Variants in MESP1 observed in about 807,000 individuals in gnomAD.
MESP1 encodes the protein mesoderm posterior protein 1.
A neutral mutation model predicts 15.2 loss-of-function variants in MESP1; 22 were observed. The ratio of observed to expected loss-of-function variants is 1.45; its 90% CI spans 1.04 to 2.07. The LOEUF is 2.07. Among genes scored for constraint, MESP1 ranks in the 30% most tolerant of loss-of-function variants. The pLI is 0.00. For missense variants in MESP1, 484 were observed against 411.9 expected (o/e 1.17, Z -1.51); for synonymous variants, 216 against 192.6 (o/e 1.12, Z -1.01).
At chr15:89,746,064 CCACACCTCCACACATA>C (rs1253923511), downstream of MESP1, among the ~76,000 whole-genome samples, 5 of 147,664 alleles carry the variant, frequency 3.4e-5, no homozygotes, top group Non-Finnish European at 6.0e-5. Context: ...CCTGACACCT[CCACACCTCCACACATA>C]CACACCTCCA....
chr15:89,745,751 G>A (rs372620005), downstream of MESP1, among the ~76,000 whole-genome samples: 2 of 151,824 alleles, frequency 1.3e-5, no homozygotes, highest in African/African-American at 4.8e-5. The surrounding 1 kb of genome is among the most constrained non-coding windows in gnomAD (Gnocchi z 4.8). Flanking sequence ...GCGAAAGAGC[G>A]AGACTCTGTG....
At chr15:89,735,384 A>G in the MESP1 span, 1 of 1,191,060 alleles carries the variant, frequency 8.4e-7, no homozygotes, top group South Asian at 1.3e-5. Context: ...CTCCTCACAT[A>G]TTTCTTGATT....
the MESP1 span, among the ~76,000 whole-genome samples, chr15:89,734,012 TGC>T: frequency 0.024 from 3,620 of 151,700 alleles, 159 homozygotes; most frequent in African/African-American, 0.084. Flanking sequence ...TGTGTGTGTG[TGC>T]GCGCGCGCAT....
In MESP1 at chr15:89,751,115, G is replaced by A; in HGVS notation, c.117C>T (p.Ser39=). The part of the protein sequence containing the change: ...DKDCGRSLVS[S]PDSWGSTPAD... ...CTGGGGTGCTGCCCCATGAGTCTGG[G>A]GACGAGACGAGGGAGCGGCCGCAGT... Residue 39 remains serine, a synonymous_variant, in exon 1 of 2, where the codon TCC becomes TCT. Coordinates refer to ENST00000300057, the MANE Select transcript of MESP1 (RefSeq NM_018670.4). 3.9e-6 allele frequency: 5 copies of A among 1,291,002 alleles called. No homozygotes were observed. Among genetic ancestry groups the A allele is most frequent in the Non-Finnish European group, 4.9e-6 (5 of 1,022,660 alleles). 80.0% of individuals were successfully genotyped at this position (1,291,002 alleles called of 1,614,324 possible).
At chr15:89,745,265 G>A (rs1014719918), downstream of MESP1, among the ~76,000 whole-genome samples, 2 of 152,164 alleles carry the variant, frequency 1.3e-5, no homozygotes, top group African/African-American at 4.8e-5. The surrounding 1 kb of genome is among the most constrained non-coding windows in gnomAD (Gnocchi z 4.8). Flanking sequence ...GCATTCACAA[G>A]GCGTCTTATG....
At chr15:89,740,646 C>T in the MESP1 span, among the ~76,000 whole-genome samples, 2 of 152,054 alleles carry the variant, frequency 1.3e-5, no homozygotes, top group East Asian at 3.9e-4. Context: ...GGATTACAGG[C>T]ATGCGCCACC....
chr15:89,733,315 C>T, the MESP1 span: 2 of 1,163,764 alleles, frequency 1.7e-6, no homozygotes, highest in Admixed American at 2.2e-5. Flanking sequence ...GACTACAGTC[C>T]ACCTTTTGTA....
the MESP1 span, among the ~76,000 whole-genome samples, chr15:89,741,353 G>A: frequency 5.3e-5 from 8 of 151,766 alleles, no homozygotes; most frequent in Non-Finnish European, 8.8e-5. Flanking sequence ...TCAGCCTTCC[G>A]AGCAACTGGG....
At chr15:89,748,116 T>G (rs113616368), downstream of MESP1, among the ~76,000 whole-genome samples, 2,491 of 152,350 alleles carry the variant, frequency 0.016, 83 homozygotes, top group African/African-American at 0.057. Flanking sequence ...GGCTAGCCAA[T>G]GAGCCCCACT....
chr15:89,750,981 C>A lies in MESP1; in HGVS notation c.251G>T (p.Arg84Met). ...TTTCTCCCGCTCACTGGCGCTCTGC[C>A]TCTGCCCGCTGCCCAGGCGGCTGCT... ...ARSSRLGSGQ[R>M]QSASEREKLR... Residue 84 changes from arginine to methionine, a missense_variant, in exon 1 of 2, where the codon AGG becomes ATG. By Grantham distance (91) the Arg-to-Met change is moderately conservative. Coordinates refer to ENST00000300057, the MANE Select transcript of MESP1 (RefSeq NM_018670.4). 1 of 1,413,850 alleles carries A rather than the reference C, an allele frequency of 7.1e-7. No individual in the cohort carries two copies. The highest frequency in any genetic ancestry group is 3.0e-5 in the East Asian group (1 of 32,876). 87.6% of individuals were successfully genotyped at this position (1,413,850 alleles called of 1,614,324 possible).
the MESP1 span, among the ~76,000 whole-genome samples, chr15:89,740,827 T>G: frequency 6.6e-6 from 1 of 152,050 alleles, no homozygotes; most frequent in Non-Finnish European, 1.5e-5. Context: ...GCTGCAAATG[T>G]ATAGATTACT....
the MESP1 span, among the ~76,000 whole-genome samples, chr15:89,737,023 C>A: frequency 6.6e-6 from 1 of 152,158 alleles, no homozygotes; most frequent in Non-Finnish European, 1.5e-5. Flanking sequence ...GATCTCCTGA[C>A]CTCGTGATCC....
chr15:89,739,109 C>T, the MESP1 span, among the ~76,000 whole-genome samples: 1 of 121,076 alleles, frequency 8.3e-6, no homozygotes, highest in African/African-American at 3.6e-5. Context: ...GAGTCAGACC[C>T]TGCCTCAAAA....
At chr15:89,750,272 C>T in intron 1 of MESP1, 45 bp from the exon 2 acceptor site, 1 of 1,607,500 alleles carries the variant, frequency 6.2e-7, no homozygotes, top group Middle Eastern at 1.7e-4. Context: ...CACTGGTGGC[C>T]TTGTGCGGGT....
the MESP1 span, chr15:89,743,217 C>G: frequency 9.7e-6 from 14 of 1,450,314 alleles, no homozygotes; most frequent in Non-Finnish European, 1.2e-5. Flanking sequence ...ACAGGGTAGT[C>G]GAGGTCTGCC....
chr15:89,737,545 C>T, the MESP1 span: 1 of 1,613,536 alleles, frequency 6.2e-7, no homozygotes, highest in Non-Finnish European at 8.5e-7. Context: ...CCAGTAGAAG[C>T]CCCCCTCACC....
rs760914108 is a variant in MESP1, at chr15:89,750,741, G to T, written c.491C>A (p.Pro164Gln). The stretch of plus-strand genomic sequence containing the variant: ...CGCGGGGCAGTCGTCGGGGCACAGC[G>T]GGCAGCCCCGAGGGGACCCCGCGTC... ...RGDAGSPRGC[P>Q]LCPDDCPAQM... is the part of the protein sequence containing the mutation. Residue 164 changes from proline (P) to glutamine (Q), a missense_variant, in exon 1 of 2, where the codon CCG becomes CAG. Physicochemically the swap from Pro to Gln is moderately conservative, Grantham distance 76 (BLOSUM62 -1). Coordinates refer to ENST00000300057, the MANE Select transcript of MESP1 (RefSeq NM_018670.4). 6.9e-7 allele frequency: 1 copy of T among 1,441,678 alleles called. No homozygotes were observed. Among genetic ancestry groups the T allele is most frequent in the Non-Finnish European group, 9.1e-7 (1 of 1,101,448 alleles). 89.3% of individuals were successfully genotyped at this position (1,441,678 alleles called of 1,614,324 possible).
chr15:89,738,552 G>A, the MESP1 span, among the ~76,000 whole-genome samples: 1 of 150,696 alleles, frequency 6.6e-6, no homozygotes, highest in Non-Finnish European at 1.5e-5. Context: ...GCTTAAACCT[G>A]GGAGGCAGAG....
chr15:89,733,474 T>C, the MESP1 span, among the ~76,000 whole-genome samples: 2 of 152,136 alleles, frequency 1.3e-5, no homozygotes, highest in East Asian at 3.8e-4. Context: ...TCAATCCCCA[T>C]TGTGGCAGTA....
Sources: gnomAD v4.1 joint callset for allele counts (sites outside exome capture counted in the v4.1 genomes callset) on GRCh38, gnomAD v4.1.1 for gene constraint, Gnocchi (gnomAD v3.1) non-coding constraint, MANE v1.5 for transcripts, NCBI Gene and HGNC (gene_info 2026-07-23, HGNC 2026-07-21) for gene names.